The following COLGALT2 variants were observed in gnomAD, a reference collection of about 807,000 sequenced individuals.
COLGALT2 encodes procollagen galactosyltransferase 2.
Under a neutral mutation model 73.4 loss-of-function variants are expected in COLGALT2, and 49 were observed. That is an observed-to-expected ratio of 0.67 (90% CI 0.53 to 0.85). The LOEUF is 0.85. Ranked by LOEUF, COLGALT2 falls within the 40% of genes least tolerant of loss-of-function variation. COLGALT2 has a pLI of 0.00. For missense variants in COLGALT2, 722 were observed against 790.2 expected (o/e 0.91, Z 1.03); for synonymous variants, 295 against 307.6 (o/e 0.96, Z 0.43).
At position 183,936,382 on chromosome 1, in the gene COLGALT2, G is replaced by T; in HGVS notation, c.*2379C>A. The stretch of plus-strand genomic sequence containing the variant: ...ACACTGCTTGGGATTCTAGACCTGA[G>T]CAGGGAGAAACAAACCGGGCTAAAG... On this transcript the variant is annotated 3_prime_UTR_variant, in exon 12 of 12. Coordinates refer to ENST00000361927, the MANE Select transcript of COLGALT2 (RefSeq NM_015101.4). The T allele has an allele frequency of 1.0e-6, 1 of 985,856 alleles. No individual in the cohort carries two copies. The highest frequency in any genetic ancestry group is 1.1e-4 in the East Asian group (1 of 8,834). The allele number at this position is 985,856 out of a possible 1,614,324, so 61.1% of individuals were successfully genotyped here.
At chr1:183,947,184 T>C (rs1670275114) in intron 8 of COLGALT2, among the ~76,000 whole-genome samples, 1 of 152,130 alleles carries the variant, frequency 6.6e-6, no homozygotes, top group South Asian at 2.1e-4. Context: ...CCTGCAATAA[T>C]AGAACTAGGC....
downstream of COLGALT2, among the ~76,000 whole-genome samples, chr1:183,932,672 T>G (rs1669871048): frequency 6.6e-6 from 1 of 152,140 alleles, no homozygotes; most frequent in Non-Finnish European, 1.5e-5. Flanking sequence ...GACGGGGATG[T>G]GGGCCCGGCG....
At chr1:183,981,221 AAT>A (rs2102821937) in intron 1 of COLGALT2, among the ~76,000 whole-genome samples, 1 of 152,318 alleles carries the variant, frequency 6.6e-6, no homozygotes, top group African/African-American at 2.4e-5. Flanking sequence ...TTTAAAAATA[AAT>A]AAAGTTTCAT....
intron 10 of COLGALT2, among the ~76,000 whole-genome samples, chr1:183,941,628 A>T (rs1558308100): frequency 6.6e-6 from 1 of 152,204 alleles, no homozygotes; most frequent in Non-Finnish European, 1.5e-5. Context: ...GCCCTAAAAC[A>T]ATCTCTTTCA....
In COLGALT2 at chr1:184,037,651, G is replaced by C. The variant is rs1649740331; in HGVS notation, c.-294C>G. 1 of 1,037,756 alleles carries C rather than the reference G, an allele frequency of 9.6e-7. No homozygotes were observed. The highest frequency in any genetic ancestry group is 1.2e-6 in the Non-Finnish European group (1 of 864,614). 64.3% of individuals were successfully genotyped at this position (1,037,756 alleles called of 1,614,324 possible). ...GTGGCCGAGGGGCTGTGTGCCCTGA[G>C]TCCTGAGGAAAGTTCCTCTAGTCCA... On this transcript the variant is annotated 5_prime_UTR_variant, in exon 1 of 12. Coordinates refer to ENST00000361927, the MANE Select transcript of COLGALT2 (RefSeq NM_015101.4).
At chr1:183,931,043 A>G (rs191937575), downstream of COLGALT2, among the ~76,000 whole-genome samples, 1 of 152,350 alleles carries the variant, frequency 6.6e-6, no homozygotes, top group East Asian at 1.9e-4. Flanking sequence ...ATGTTTTCTT[A>G]AGAGTTTGAA....
chr1:183,951,733 G>C (rs1030129019), intron 7 of COLGALT2, among the ~76,000 whole-genome samples: 3 of 152,158 alleles, frequency 2.0e-5, no homozygotes, highest in African/African-American at 7.2e-5. Context: ...CATGTTCATA[G>C]ATTGGAATAA....
intron 7 of COLGALT2, among the ~76,000 whole-genome samples, chr1:183,954,348 A>G (rs1670495441): frequency 6.6e-6 from 1 of 152,230 alleles, no homozygotes; most frequent in South Asian, 2.1e-4. Context: ...GAAATAAAAG[A>G]AAGCACAGAA....
chr1:183,942,122 G>A (rs946100486), intron 10 of COLGALT2, among the ~76,000 whole-genome samples: 2 of 151,934 alleles, frequency 1.3e-5, no homozygotes, highest in African/African-American at 4.8e-5. Flanking sequence ...CTAATTTTTT[G>A]TATTTTTACT....
chr1:183,966,955 G>A (rs1670892626), intron 5 of COLGALT2, among the ~76,000 whole-genome samples: 1 of 152,148 alleles, frequency 6.6e-6, no homozygotes, highest in Non-Finnish European at 1.5e-5. Context: ...GGTCCTGCCT[G>A]GGACATAGAT....
Position 183,950,469 on chromosome 1 carries a change from C to T in COLGALT2, c.1136+538G>A, listed in dbSNP as rs200579294. On this transcript the variant is annotated intron_variant, in intron 8 of 11. Coordinates refer to ENST00000361927, the MANE Select transcript of COLGALT2 (RefSeq NM_015101.4). Reference sequence around the variant, plus strand: ...TGTCAAATAAAAGGGCAAAGCTGAACAAAATAAAAAAAAAAAAAAAGAAGG... The same window carrying T: ...TGTCAAATAAAAGGGCAAAGCTGAATAAAATAAAAAAAAAAAAAAAGAAGG... 5.4e-5 allele frequency among the ~76,000 whole-genome samples: 7 copies of T among 129,488 alleles called. 1 individual carries two copies. The highest frequency in any genetic ancestry group is 1.9e-4 in the African/African-American group (7 of 36,418). The allele number at this position is 129,488 out of a possible 152,430, so 84.9% of individuals were successfully genotyped here.
chr1:183,995,106 A>G (rs1486094939), intron 1 of COLGALT2, among the ~76,000 whole-genome samples: 1 of 152,234 alleles, frequency 6.6e-6, no homozygotes, highest in African/African-American at 2.4e-5. Flanking sequence ...AAAAACAAAG[A>G]GAAGAAAAAC....
In COLGALT2 at chr1:183,937,289, T is replaced by A; in HGVS notation, c.*1472A>T. On this transcript the variant is annotated 3_prime_UTR_variant, in exon 12 of 12. Coordinates refer to ENST00000361927, the MANE Select transcript of COLGALT2 (RefSeq NM_015101.4). The stretch of plus-strand genomic sequence containing the variant: ...GGTATGGGATGCCTGGGAGGGTTTT[T>A]CTGGAGACAAAAATTTACAGATTGA... 1 of 1,116,584 alleles carries A rather than the reference T, an allele frequency of 9.0e-7. No homozygotes were observed. The allele number at this position is 1,116,584 out of a possible 1,614,324, so 69.2% of individuals were successfully genotyped here.
chr1:183,983,223 G>C (rs182811819), intron 1 of COLGALT2, among the ~76,000 whole-genome samples: 85 of 152,262 alleles, frequency 5.6e-4, no homozygotes, highest in African/African-American at 2.0e-3. Context: ...ATGAATCCTG[G>C]TCTTTGAAGT....
intron 1 of COLGALT2, among the ~76,000 whole-genome samples, chr1:183,989,874 C>T (rs1321480616): frequency 6.6e-6 from 1 of 152,124 alleles, no homozygotes; most frequent in Non-Finnish European, 1.5e-5. Flanking sequence ...TTTGAGGAGC[C>T]AACAGCATGT....
chr1:183,934,655 C>G (rs17503785), downstream of COLGALT2, among the ~76,000 whole-genome samples: 5,140 of 152,288 alleles, frequency 0.034, 136 homozygotes, highest in Middle Eastern at 0.095. Context: ...TGGATCATTT[C>G]TTTCCTCTGT....
chr1:184,016,606 T>C (rs1472500847), intron 1 of COLGALT2, among the ~76,000 whole-genome samples: 2 of 152,242 alleles, frequency 1.3e-5, no homozygotes, highest in African/African-American at 4.8e-5. Context: ...AATCTAGCTT[T>C]TGTGGGGCTG....
chr1:183,961,200 C>A (rs2102804838), intron 6 of COLGALT2, among the ~76,000 whole-genome samples: 1 of 152,286 alleles, frequency 6.6e-6, no homozygotes, highest in South Asian at 2.1e-4. Flanking sequence ...GTGCTTAGCA[C>A]TAGAGGTGGC....
In COLGALT2 at chr1:184,036,409, C is replaced by T. The variant is rs182427542; in HGVS notation, c.263+686G>A. 7.8e-4 allele frequency among the ~76,000 whole-genome samples: 119 copies of T among 152,316 alleles called. 1 individual carries two copies. The highest frequency in any genetic ancestry group is 2.0e-3 in the Admixed American group (30 of 15,308). ...TTTCCCAGGGCATCTTCGTCTCTCCCCGGGACGTGGAACCCCGATGCACCG... is the reference window on the plus strand; with the variant it reads ...TTTCCCAGGGCATCTTCGTCTCTCCTCGGGACGTGGAACCCCGATGCACCG... On this transcript the variant is annotated intron_variant, in intron 1 of 11. Coordinates refer to ENST00000361927, the MANE Select transcript of COLGALT2 (RefSeq NM_015101.4).
Sources: gnomAD v4.1 joint callset for allele counts (sites outside exome capture counted in the v4.1 genomes callset) on GRCh38, gnomAD v4.1.1 for gene constraint, MANE v1.5 for transcripts, NCBI Gene and HGNC (gene_info 2026-07-23, HGNC 2026-07-21) for gene names.